Variants in HEPHL1 observed in about 807,000 individuals in gnomAD.
The protein encoded by HEPHL1 is hephaestin like 1, also known as ferroxidase HEPHL1.
In HEPHL1, 123 loss-of-function variants were observed where a neutral mutation model predicts 122.0. The ratio of observed to expected loss-of-function variants is 1.01; its 90% confidence interval spans 0.87 to 1.17. HEPHL1 has a LOEUF of 1.17. Among genes scored for constraint, HEPHL1 ranks in the 50% most tolerant of loss-of-function variants. The pLI is 0.00. For synonymous variants in HEPHL1, 527 were observed against 508.9 expected (o/e 1.04, Z -0.48); for missense variants, 1,452 against 1,430.5 (o/e 1.01, Z -0.24).
At chr11:94,048,900 C>T (rs1303979646) in intron 2 of HEPHL1, among the ~76,000 whole-genome samples, 2 of 152,066 alleles carry the variant, frequency 1.3e-5, no homozygotes. Flanking sequence ...GTGGGTGGAT[C>T]ACCTGAGGTC....
intron 11 of HEPHL1, among the ~76,000 whole-genome samples, chr11:94,087,950 A>G (rs1176035385): frequency 6.6e-6 from 1 of 152,242 alleles, no homozygotes. Flanking sequence ...CCTCACCTCT[A>G]AAAACAGAGG....
At chr11:94,046,278 A>G (rs1423031184) in intron 2 of HEPHL1, among the ~76,000 whole-genome samples, 2 of 150,690 alleles carry the variant, frequency 1.3e-5, no homozygotes, top group African/African-American at 2.4e-5. Context: ...TATTTTTAGT[A>G]GAGAAAATAT....
Position 94,093,605 on chromosome 11 carries a change from C to A in HEPHL1, c.2399C>A (p.Ala800Asp). 1 of 1,613,502 alleles carries A rather than the reference C, an allele frequency of 6.2e-7. No homozygotes were observed. The highest frequency in any genetic ancestry group is 1.1e-5 in the South Asian group (1 of 91,008). Residue 800 changes from alanine to aspartate, a missense_variant, in exon 13 of 20, where the codon GCC becomes GAC. Transcript: ENST00000315765. ...GATGGAGAATTTGTGGAGATCAAAG[C>A]CCGACCACCACGAGAGGAGCACTTA... The part of the protein sequence containing the change: ...YTDGEFVEIK[A>D]RPPREEHLEL...
chr11:94,053,850 G>A (rs1591470485), intron 2 of HEPHL1, among the ~76,000 whole-genome samples: 1 of 152,232 alleles, frequency 6.6e-6, no homozygotes, highest in East Asian at 1.9e-4. Context: ...TCAATGTATT[G>A]AAACTTATTT....
At chr11:94,092,110 A>G (rs1946266866) in intron 12 of HEPHL1, among the ~76,000 whole-genome samples, 1 of 152,178 alleles carries the variant, frequency 6.6e-6, no homozygotes, top group African/African-American at 2.4e-5. Flanking sequence ...ATGATTAGGA[A>G]CAATTCCACC....
At position 94,110,976 on chromosome 11, in the gene HEPHL1, A is replaced by G. The variant is rs746687161; in HGVS notation, c.3119A>G (p.Asp1040Gly). Residue 1040 changes from aspartate to glycine, a missense_variant, in exon 18 of 20, where the codon GAT becomes GGT. By Grantham distance (94) the Asp-to-Gly change is moderately conservative. Transcript: ENST00000315765. Reference sequence around the variant, plus strand: ...TTCCAAACCATTGAACTGTTTGCAGATCACCCAGGGACATGGCTGCTACAC... The same window carrying G: ...TTCCAAACCATTGAACTGTTTGCAGGTCACCCAGGGACATGGCTGCTACAC... ...GTFQTIELFA[D>G]HPGTWLLHCH... 16 of 1,612,678 alleles carry G rather than the reference A, an allele frequency of 9.9e-6. No homozygotes were observed. In the South Asian group the frequency reaches 1.8e-4, roughly 18 times the overall value.
chr11:94,110,939 T>C lies in HEPHL1; in HGVS notation c.3082T>C (p.Phe1028Leu). The change falls in exon 18 of 20, where the codon TTT (phenylalanine) becomes CTT (leucine). Residue 1028 changes from phenylalanine to leucine, a missense_variant. Phe to Leu is a conservative substitution (Grantham distance 22). Coordinates refer to ENST00000315765, the MANE Select transcript of HEPHL1 (RefSeq NM_001098672.2). ...TTACCGAGAAGATGTGTATGATCTC[T>C]TTCCTGGGACATTCCAAACCATTGA... ...KSYREDVYDL[F>L]PGTFQTIELF... is the part of the protein sequence containing the mutation. 1 of 1,613,270 alleles carries C rather than the reference T, an allele frequency of 6.2e-7. No individual in the cohort carries two copies. Among genetic ancestry groups the C allele is most frequent in the Non-Finnish European group, 8.5e-7 (1 of 1,179,602 alleles).
At chr11:94,058,451 C>A (rs1209515484) in intron 2 of HEPHL1, among the ~76,000 whole-genome samples, 1 of 152,096 alleles carries the variant, frequency 6.6e-6, no homozygotes, top group Non-Finnish European at 1.5e-5. Context: ...GAGCCAGACA[C>A]AATACTGGGT....
chr11:94,042,882 A>AAAAAAAACAAAAAACAAAC lies in HEPHL1; in HGVS notation c.171-2784_171-2783insCAAAAAACAAACAAAAAAA, dbSNP rs1555058754. On this transcript the variant is annotated intron_variant, in intron 1 of 19. Coordinates refer to ENST00000315765, the MANE Select transcript of HEPHL1 (RefSeq NM_001098672.2). ...CTAAAACTTAAAGTATAATAAAAAA[A>AAAAAAAACAAAAAACAAAC]AAAAAAAAAAACTGCATGAATTGCT... Among the ~76,000 whole-genome samples, 1,053 of 136,832 alleles carry AAAAAAAACAAAAAACAAAC rather than the reference A, an allele frequency of 7.7e-3. 21 individuals are homozygous for AAAAAAAACAAAAAACAAAC. Among genetic ancestry groups the AAAAAAAACAAAAAACAAAC allele is most frequent in the African/African-American group, 0.027 (981 of 36,220 alleles). The allele number at this position is 136,832 out of a possible 152,430, so 89.8% of individuals were successfully genotyped here. A position where few individuals can be genotyped will look rare whatever the true frequency, so the allele number is the denominator to read the frequency against.
chr11:94,032,872 G>C (rs1319070168), intron 1 of HEPHL1, among the ~76,000 whole-genome samples: 2 of 152,094 alleles, frequency 1.3e-5, no homozygotes, highest in Non-Finnish European at 2.9e-5. Flanking sequence ...AGTTTAACTG[G>C]TATATGACCT....
intron 16 of HEPHL1, 43 bp from the exon 17 acceptor site, chr11:94,105,948 T>A (rs1203265589): frequency 4.6e-5 from 65 of 1,398,008 alleles, no homozygotes; most frequent in Non-Finnish European, 6.1e-5. Context: ...AATCAGCTTA[T>A]CTTTTAACTA....
chr11:94,111,597 C>A lies in HEPHL1; in HGVS notation c.3269C>A (p.Pro1090Gln). ...GTGGCATCTCACCCAGCCACGGTGC[C>A]ATCTAACGGTAATGATACCCTCTCC... ...PGVASHPATVPSNERPGKEQL... is the reference protein window; with the variant it reads ...PGVASHPATVQSNERPGKEQL... The change falls in exon 19 of 20, where the codon CCA (proline) becomes CAA (glutamine). Residue 1090 changes from proline (P) to glutamine (Q), a missense_variant. By Grantham distance (76) the Pro-to-Gln change is moderately conservative. Transcript: ENST00000315765. 6.2e-7 allele frequency: 1 copy of A among 1,606,640 alleles called. No homozygotes were observed. Among genetic ancestry groups the A allele is most frequent in the Non-Finnish European group, 8.5e-7 (1 of 1,176,216 alleles).
chr11:94,025,774 T>C (rs1238157299), intron 1 of HEPHL1, among the ~76,000 whole-genome samples: 1 of 152,172 alleles, frequency 6.6e-6, no homozygotes, highest in Non-Finnish European at 1.5e-5. Flanking sequence ...ACAGAGGTTT[T>C]TGTGAGCTTT....
At chr11:94,040,135 A>T (rs1945763380) in intron 1 of HEPHL1, among the ~76,000 whole-genome samples, 1 of 80,022 alleles carries the variant, frequency 1.2e-5, no homozygotes, top group African/African-American at 5.8e-5. Context: ...AAATGGATAC[A>T]TTCCTCGACA....
At chr11:94,095,585 CAATGGCAGTATGGCCATTGGGA>C (rs926027429) in intron 13 of HEPHL1, among the ~76,000 whole-genome samples, 49 of 152,276 alleles carry the variant, frequency 3.2e-4, no homozygotes, top group African/African-American at 7.5e-4. Context: ...TTACCTTGGG[CAATGGCAGTATGGCCATTGGGA>C]AATGGCAGTA....
Position 94,104,541 on chromosome 11 carries a change from G to T in HEPHL1, c.2696G>T (p.Gly899Val). ...TVNFVKDTYSGLMGPLITCRK... is the reference protein window; with the variant it reads ...TVNFVKDTYSVLMGPLITCRK... ...TTTTTCTTCCAGGATACGTATAGTG[G>T]TTTGATGGGTCCTCTGATTACATGC... Residue 899 changes from glycine to valine, a missense_variant, in exon 16 of 20, where the codon GGT becomes GTT. Coordinates refer to ENST00000315765, the MANE Select transcript of HEPHL1 (RefSeq NM_001098672.2). 6.2e-7 allele frequency: 1 copy of T among 1,612,168 alleles called. No homozygotes were observed. The highest frequency in any genetic ancestry group is 1.1e-5 in the South Asian group (1 of 91,028).
intron 1 of HEPHL1, among the ~76,000 whole-genome samples, chr11:94,028,182 G>A (rs1945642982): frequency 6.6e-6 from 1 of 152,150 alleles, no homozygotes. Context: ...GTAAAACTGT[G>A]TTTACTGTCA....
intron 12 of HEPHL1, among the ~76,000 whole-genome samples, chr11:94,089,169 G>A (rs1946244424): frequency 6.6e-6 from 1 of 152,238 alleles, no homozygotes; most frequent in Admixed American, 6.5e-5. Context: ...CAGGCCCTCG[G>A]CGGGCTCTGC....
chr11:94,056,032 C>A, intron 2 of HEPHL1: 1 of 576,956 alleles, frequency 1.7e-6, no homozygotes, highest in South Asian at 2.2e-5. Context: ...TAAATTAAGT[C>A]AGTTTTTCCT....
Sources: gnomAD v4.1 joint callset for allele counts (sites outside exome capture counted in the v4.1 genomes callset) on GRCh38, gnomAD v4.1.1 for gene constraint, MANE v1.5 for transcripts, NCBI Gene and HGNC (gene_info 2026-07-23, HGNC 2026-07-21) for gene names.